The following TBC1D32 variants were observed in gnomAD, a reference collection of about 807,000 sequenced individuals.
The protein encoded by TBC1D32 is protein broad-minded.
A neutral mutation model predicts 170.3 loss-of-function variants in TBC1D32; 151 were observed. The observed-to-expected ratio is 0.89, with a 90% CI of 0.78 to 1.01. TBC1D32 has a LOEUF of 1.01. TBC1D32 is among the 50% of genes least tolerant of loss of function. The probability of loss-of-function intolerance (pLI) is 0.00; values close to 1 mark genes in which losing one functional copy is unlikely to be tolerated. For missense variants in TBC1D32, 1,464 were observed against 1,457.1 expected (o/e 1.00, Z -0.08); for synonymous variants, 498 against 488.0 (o/e 1.02, Z -0.27).
chr6:121,302,664 T>G (rs555918576), intron 9 of TBC1D32, among the ~76,000 whole-genome samples: 1 of 152,240 alleles, frequency 6.6e-6, no homozygotes, highest in South Asian at 2.1e-4. Flanking sequence ...TATTTAAGCT[T>G]TTACATATTT....
At chr6:121,142,703 G>A (rs1782942959) in intron 24 of TBC1D32, among the ~76,000 whole-genome samples, 2 of 152,078 alleles carry the variant, frequency 1.3e-5, no homozygotes, top group Non-Finnish European at 2.9e-5. Flanking sequence ...CTATATGGAA[G>A]TTCTGAATTT....
At chr6:121,285,530 G>A (rs185692107) in intron 12 of TBC1D32, among the ~76,000 whole-genome samples, 1 of 152,124 alleles carries the variant, frequency 6.6e-6, no homozygotes, top group African/African-American at 2.4e-5. Flanking sequence ...CAGGTACGAG[G>A]GGTGGAGCCA....
intron 20 of TBC1D32, among the ~76,000 whole-genome samples, chr6:121,231,366 GTGC>G (rs1226624740): frequency 6.6e-6 from 1 of 152,152 alleles, no homozygotes; most frequent in Non-Finnish European, 1.5e-5. Flanking sequence ...ATTGCAAATT[GTGC>G]TGCTATGAAC....
At chr6:121,285,538 C>A (rs911273248) in intron 12 of TBC1D32, among the ~76,000 whole-genome samples, 1 of 152,058 alleles carries the variant, frequency 6.6e-6, no homozygotes, top group East Asian at 1.9e-4. Flanking sequence ...AGGGGTGGAG[C>A]CAAGATGGCC....
intron 22 of TBC1D32, among the ~76,000 whole-genome samples, chr6:121,179,875 A>G (rs1010535529): frequency 9.2e-5 from 14 of 152,262 alleles, no homozygotes; most frequent in Admixed American, 9.2e-4. Context: ...GTCTCCATAT[A>G]TAAAAGAAAC....
chr6:121,213,763 T>C (rs1300139883), intron 21 of TBC1D32, among the ~76,000 whole-genome samples: 1 of 151,622 alleles, frequency 6.6e-6, no homozygotes, highest in Non-Finnish European at 1.5e-5. Context: ...AAACTAACAA[T>C]GACATCCTTC....
intron 22 of TBC1D32, among the ~76,000 whole-genome samples, chr6:121,196,347 G>A (rs1467907266): frequency 1.3e-5 from 2 of 152,306 alleles, no homozygotes; most frequent in Non-Finnish European, 1.5e-5. Context: ...TTTGCCAGCA[G>A]CAGAGACCAA....
At chr6:121,260,457 C>T (rs1799607054) in intron 15 of TBC1D32, among the ~76,000 whole-genome samples, 1 of 152,044 alleles carries the variant, frequency 6.6e-6, no homozygotes, top group African/African-American at 2.4e-5. Flanking sequence ...CTGAGGTATC[C>T]AGGTTTTATC....
intron 22 of TBC1D32, among the ~76,000 whole-genome samples, chr6:121,191,949 T>C (rs112826224): frequency 0.036 from 5,465 of 151,896 alleles, 119 homozygotes; most frequent in Middle Eastern, 0.051. Context: ...CCCTCAAACA[T>C]TGGACTCCAA....
intron 20 of TBC1D32, among the ~76,000 whole-genome samples, chr6:121,225,947 T>C (rs1189526398): frequency 6.6e-6 from 1 of 152,072 alleles, no homozygotes; most frequent in East Asian, 1.9e-4. Context: ...AAAACATAAA[T>C]CTATGTCATC....
In TBC1D32 at chr6:121,256,117, A is replaced by G. The variant is rs1798972565; in HGVS notation, c.1902T>C (p.Asn634=). The G allele has an allele frequency of 3.1e-6, 5 of 1,613,568 alleles. No individual in the cohort carries two copies. The highest frequency in any genetic ancestry group is 4.2e-6 in the Non-Finnish European group (5 of 1,179,916). ...ATGCCTTTGCTATAGATTCATGCAAATTATAAGTGATTAACACCTGCAAAC... is the reference window on the plus strand; with the variant it reads ...ATGCCTTTGCTATAGATTCATGCAAGTTATAAGTGATTAACACCTGCAAAC... ...CEGLQVLITY[N]LHESIAKAWK... Residue 634 remains asparagine (N), a synonymous_variant, in exon 16 of 32, where the codon AAT becomes AAC. Transcript: ENST00000398212.
intron 24 of TBC1D32, among the ~76,000 whole-genome samples, chr6:121,154,571 A>T (rs1387227203): frequency 6.6e-6 from 1 of 152,206 alleles, no homozygotes; most frequent in Non-Finnish European, 1.5e-5. Context: ...ATTTACATTT[A>T]AGATCTCAAA....
chr6:121,192,604 C>A (rs1270450038), intron 22 of TBC1D32: 1 of 152,134 alleles, frequency 6.6e-6, no homozygotes, highest in Non-Finnish European at 1.5e-5. Context: ...AGTGGCTGAC[C>A]TGCAACAAAA....
Position 121,219,427 on chromosome 6 carries a change from A to G in TBC1D32, c.2481+3809T>C, listed in dbSNP as rs539840629. On this transcript the variant is annotated intron_variant, in intron 21 of 31. Transcript: ENST00000398212. Reference sequence around the variant, plus strand: ...AACAAATTTTTCCGTAAGTGGAAAGATATATTTGAATACGCCCCACAGAGA... The same window carrying G: ...AACAAATTTTTCCGTAAGTGGAAAGGTATATTTGAATACGCCCCACAGAGA... Among the ~76,000 whole-genome samples the G allele has an allele frequency of 2.0e-5, 3 of 152,352 alleles. No homozygotes were observed. In the South Asian group the frequency reaches 6.2e-4, roughly 32 times the overall value.
intron 17 of TBC1D32, among the ~76,000 whole-genome samples, chr6:121,248,493 G>T (rs1392473816): frequency 2.0e-5 from 3 of 150,534 alleles, no homozygotes; most frequent in Non-Finnish European, 4.5e-5. Context: ...GAAATTGAAA[G>T]AAAAAAATAC....
intron 24 of TBC1D32, among the ~76,000 whole-genome samples, chr6:121,135,694 A>T (rs918308880): frequency 6.6e-6 from 1 of 152,178 alleles, no homozygotes; most frequent in Non-Finnish European, 1.5e-5. Flanking sequence ...AAATTTCACA[A>T]GGCTGAGAAA....
chr6:121,240,017 C>T (rs1334862787), intron 19 of TBC1D32, among the ~76,000 whole-genome samples: 1 of 152,102 alleles, frequency 6.6e-6, no homozygotes, highest in African/African-American at 2.4e-5. Context: ...TTCTTGGAGC[C>T]TTAGTTCCCC....
chr6:121,183,481 G>C (rs1788799616), intron 22 of TBC1D32, among the ~76,000 whole-genome samples: 3 of 152,052 alleles, frequency 2.0e-5, no homozygotes, highest in African/African-American at 7.2e-5. Flanking sequence ...TTGTACACTT[G>C]AGGTGATATT....
At chr6:121,188,734 C>T (rs1481813585) in intron 22 of TBC1D32, among the ~76,000 whole-genome samples, 1 of 152,138 alleles carries the variant, frequency 6.6e-6, no homozygotes, top group Non-Finnish European at 1.5e-5. Context: ...TAAAAACCTT[C>T]CCATACTTTT....
Sources: gnomAD v4.1 joint callset for allele counts (sites outside exome capture counted in the v4.1 genomes callset) on GRCh38, gnomAD v4.1.1 for gene constraint, MANE v1.5 for transcripts, NCBI Gene and HGNC (gene_info 2026-07-23, HGNC 2026-07-21) for gene names.